ATRN: variants seen among roughly 807,000 people sequenced by gnomAD.
ATRN encodes attractin-2.
A neutral mutation model predicts 178.7 loss-of-function variants in ATRN; 54 were observed. The observed-to-expected ratio is 0.30, with a 90% confidence interval of 0.24 to 0.38. ATRN has a LOEUF of 0.38. ATRN is among the 10% of genes least tolerant of loss of function. ATRN has a pLI of 1.00. For missense variants in ATRN, 1,443 were observed against 1,815.1 expected, an observed-to-expected ratio of 0.79 and a Z score of 3.73; for synonymous variants, 636 against 663.0, an observed-to-expected ratio of 0.96 and a Z score of 0.63.
intron 1 of ATRN, among the ~76,000 whole-genome samples, chr20:3,524,727 A>T (rs1453059887): frequency 6.6e-6 from 1 of 152,260 alleles, no homozygotes; most frequent in Non-Finnish European, 1.5e-5. Flanking sequence ...ACCACAGTGC[A>T]ATCAAATTAG....
chr20:3,532,992 G>C (rs1466172144), intron 1 of ATRN, among the ~76,000 whole-genome samples: 3 of 152,198 alleles, frequency 2.0e-5, no homozygotes, highest in Non-Finnish European at 4.4e-5. Flanking sequence ...TCGATCTCCT[G>C]ACCTCGTGAT....
At chr20:3,559,360 G>A in intron 6 of ATRN, 33 bp from the exon 7 acceptor site, 1 of 1,459,268 alleles carries the variant, frequency 6.9e-7, no homozygotes, top group East Asian at 2.3e-5. Flanking sequence ...TGTCTTATTA[G>A]TTGGGTGAAA....
In ATRN at chr20:3,554,990, C is replaced by CTTTTTTTTTTTT. The variant is rs536209701; in HGVS notation, c.1113-4384_1113-4373dup. 2.8e-4 allele frequency among the ~76,000 whole-genome samples: 19 copies of CTTTTTTTTTTTT among 67,492 alleles called. 3 individuals are homozygous for CTTTTTTTTTTTT. The highest frequency in any genetic ancestry group is 1.3e-3 in the African/African-American group (19 of 14,250). The allele number at this position is 67,492 out of a possible 152,430, so 44.3% of individuals were successfully genotyped here. ...TGGAACACCAAGTGTGACCTGACCT[C>CTTTTTTTTTTTT]TTTTTTTTTTTTTTTTTTTTTTTTT... On this transcript the variant is annotated intron_variant, in intron 6 of 28. Coordinates refer to ENST00000262919, the MANE Select transcript of ATRN (RefSeq NM_139321.3).
intron 25 of ATRN, chr20:3,629,026 C>T (rs2086968715): frequency 2.0e-6 from 2 of 985,348 alleles, no homozygotes; most frequent in Non-Finnish European, 2.4e-6. Context: ...ACCTCACTAA[C>T]TGGCAACATG....
At chr20:3,584,286 T>G (rs373740303) in intron 17 of ATRN, among the ~76,000 whole-genome samples, 1 of 152,138 alleles carries the variant, frequency 6.6e-6, no homozygotes, top group East Asian at 1.9e-4. Flanking sequence ...TGACAGTAAA[T>G]AAATGTAAGA....
chr20:3,514,754 G>T (rs1290794599), intron 1 of ATRN, among the ~76,000 whole-genome samples: 1 of 152,098 alleles, frequency 6.6e-6, no homozygotes, highest in Non-Finnish European at 1.5e-5. Context: ...GAGGCCAGGA[G>T]TTTGAGACCA....
In ATRN at chr20:3,627,237, C is replaced by G. The variant is rs563926897; in HGVS notation, c.3863+2665C>G. On this transcript the variant is annotated intron_variant, in intron 25 of 28. Transcript: ENST00000262919. Reference sequence around the variant, plus strand: ...TCCACCTTAGCTGCACCTAGAATCACTTGCGGAGCTTTTGATGTCCAAGCC... The same window carrying G: ...TCCACCTTAGCTGCACCTAGAATCAGTTGCGGAGCTTTTGATGTCCAAGCC... Among the ~76,000 whole-genome samples, 5 of 152,314 alleles carry G rather than the reference C, an allele frequency of 3.3e-5. No individual in the cohort carries two copies. The East Asian group carries it at 9.6e-4, about 29-fold the overall frequency.
chr20:3,541,932 C>T (rs1180594348), intron 3 of ATRN, among the ~76,000 whole-genome samples: 5 of 152,156 alleles, frequency 3.3e-5, no homozygotes, highest in Admixed American at 6.6e-5. Context: ...AGGGAGGTAA[C>T]AGAGAGCAAA....
chr20:3,473,089 T>C (rs940221071), intron 1 of ATRN, among the ~76,000 whole-genome samples: 1 of 152,242 alleles, frequency 6.6e-6, no homozygotes, highest in Non-Finnish European at 1.5e-5. Flanking sequence ...ATGAATTCCA[T>C]TAACCTACAT....
intron 11 of ATRN, among the ~76,000 whole-genome samples, chr20:3,571,291 C>T (rs2086119150): frequency 6.6e-6 from 1 of 152,156 alleles, no homozygotes; most frequent in Admixed American, 6.5e-5. Context: ...TCCCCAAGGT[C>T]TGATTTTTCA....
At chr20:3,572,491 T>C (rs950072285) in intron 11 of ATRN, among the ~76,000 whole-genome samples, 1 of 152,120 alleles carries the variant, frequency 6.6e-6, no homozygotes, top group African/African-American at 2.4e-5. Context: ...ACTTATGATA[T>C]GTAAGATTTG....
chr20:3,499,340 G>T (rs2084923797), intron 1 of ATRN, among the ~76,000 whole-genome samples: 1 of 131,744 alleles, frequency 7.6e-6, no homozygotes. Flanking sequence ...CTACTTTAAA[G>T]TTCATATGGA....
intron 22 of ATRN, among the ~76,000 whole-genome samples, chr20:3,600,024 A>C (rs998570368): frequency 6.6e-6 from 1 of 152,270 alleles, no homozygotes; most frequent in African/African-American, 2.4e-5. Flanking sequence ...GATCTTTTAA[A>C]AATGAATAAT....
At chr20:3,563,803 C>T (rs2085990436) in intron 10 of ATRN, among the ~76,000 whole-genome samples, 1 of 152,128 alleles carries the variant, frequency 6.6e-6, no homozygotes, top group Non-Finnish European at 1.5e-5. Context: ...CAAATGCATA[C>T]CGGATGATCT....
chr20:3,635,359 G>T (rs1454949026), intron 26 of ATRN, among the ~76,000 whole-genome samples: 1 of 121,058 alleles, frequency 8.3e-6, no homozygotes, highest in Non-Finnish European at 1.9e-5. Context: ...AAAACCTATT[G>T]AAATAATAAA....
chr20:3,522,329 A>G (rs1600069968), intron 1 of ATRN, among the ~76,000 whole-genome samples: 3 of 152,160 alleles, frequency 2.0e-5, no homozygotes, highest in Admixed American at 6.5e-5. Flanking sequence ...AAAGATGTAA[A>G]TGTTCTAAAT....
rs1491340714 is a variant in ATRN at position 3,512,108 on chromosome 20, T to TATATA, written c.411-23145_411-23144insATATA. On this transcript the variant is annotated intron_variant, in intron 1 of 28. Transcript: ENST00000262919. ...TTTTATATATATATATATATATATATTTTTTTTTTTTATTATACTTTAAGT... is the reference window on the plus strand; with the variant it reads ...TTTTATATATATATATATATATATATATATATTTTTTTTTTTATTATACTTTAAGT... Among the ~76,000 whole-genome samples, 32 of 100,740 alleles carry TATATA rather than the reference T, an allele frequency of 3.2e-4. 1 individual carries two copies. Among genetic ancestry groups the TATATA allele is most frequent in the African/African-American group, 1.1e-3 (24 of 21,864 alleles). 66.1% of individuals were successfully genotyped at this position (100,740 alleles called of 152,430 possible). A position where few individuals can be genotyped will look rare whatever the true frequency, so the allele number is the denominator to read the frequency against.
chr20:3,609,024 G>A (rs1206866674), intron 24 of ATRN, among the ~76,000 whole-genome samples: 1 of 151,536 alleles, frequency 6.6e-6, no homozygotes, highest in East Asian at 1.9e-4. Flanking sequence ...GTCTTCTGTG[G>A]TTCCATACAA....
chr20:3,635,439 T>G (rs530763543), intron 26 of ATRN, among the ~76,000 whole-genome samples: 4 of 152,192 alleles, frequency 2.6e-5, no homozygotes, highest in Non-Finnish European at 5.9e-5. Context: ...CATAAAAACT[T>G]TGTGTATTGC....
Sources: allele counts gnomAD v4.1 joint callset (sites outside exome capture counted in the v4.1 genomes callset), GRCh38; gene constraint gnomAD v4.1.1; transcripts MANE v1.5; gene names NCBI Gene and HGNC (gene_info 2026-07-23, HGNC 2026-07-21).